PSTPIP1: variants seen among roughly 807,000 people sequenced by gnomAD.
PSTPIP1 encodes proline-serine-threonine phosphatase interacting protein 1.
A neutral mutation model predicts 69.6 loss-of-function variants in PSTPIP1; 66 were observed. That is an observed-to-expected ratio of 0.95 (90% CI 0.78 to 1.16). The LOEUF (loss-of-function observed/expected upper bound fraction) is 1.16, where lower values mean the gene tolerates loss of function less well. Among genes scored for constraint, PSTPIP1 ranks in the 50% most tolerant of loss-of-function variants. The pLI is 0.00. For missense variants in PSTPIP1, 603 were observed against 557.4 expected, an observed-to-expected ratio of 1.08 and a Z score of -0.82; for synonymous variants, 266 against 222.7, an observed-to-expected ratio of 1.19 and a Z score of -1.73.
chr15:77,000,480 C>T (rs200348711), intron 1 of PSTPIP1, among the ~76,000 whole-genome samples: 1,494 of 110,192 alleles, frequency 0.014, 11 homozygotes, highest in Admixed American at 0.017. Flanking sequence ...TATATATACA[C>T]ACACACACAC....
chr15:77,037,016 A>C (rs2152692836), intron 14 of PSTPIP1, 29 bp from the exon 15 acceptor site: 4 of 1,606,804 alleles, frequency 2.5e-6, no homozygotes, highest in Non-Finnish European at 3.4e-6. Context: ...GGCCCTTCCA[A>C]CGTCATGCGC....
chr15:77,011,686 T>A (rs2075937118), intron 1 of PSTPIP1, among the ~76,000 whole-genome samples: 1 of 152,206 alleles, frequency 6.6e-6, no homozygotes, highest in Non-Finnish European at 1.5e-5. Flanking sequence ...TGCTTATACA[T>A]GGATCGCAGC....
intron 1 of PSTPIP1, among the ~76,000 whole-genome samples, chr15:76,997,120 G>T (rs1596032366): frequency 6.6e-6 from 1 of 152,240 alleles, no homozygotes; most frequent in Non-Finnish European, 1.5e-5. Flanking sequence ...AGGGAGCAGG[G>T]TATGGCAGCC....
chr15:77,030,449 A>G, intron 8 of PSTPIP1, 53 bp from the exon 9 acceptor site: 2 of 1,568,448 alleles, frequency 1.3e-6, no homozygotes, highest in Non-Finnish European at 1.7e-6. Context: ...GCTGGAGTAC[A>G]GGGGTGGAGG....
chr15:77,018,103 T>G, intron 1 of PSTPIP1, 45 bp from the exon 2 acceptor site: 1 of 1,538,472 alleles, frequency 6.5e-7, no homozygotes, highest in Non-Finnish European at 8.8e-7. Context: ...GTGCTCAGTG[T>G]CGCCTGGTCG....
Position 77,027,912 on chromosome 15 carries a change from G to C in PSTPIP1, c.415G>C (p.Glu139Gln), listed in dbSNP as rs1435484379. Residue 139 changes from glutamate to glutamine, a missense_variant and splice_region_variant, in exon 6 of 15, where the codon GAG becomes CAG. Transcript: ENST00000558012. The surrounding 1 kb of genome is among the most constrained non-coding windows in gnomAD (Gnocchi z 4.3). ...SKLSLYKKAMESKKTYEQKCR... is the reference protein window; with the variant it reads ...SKLSLYKKAMQSKKTYEQKCR... Reference sequence around the variant, plus strand: ...GCTGTCGCTCTACAAGAAGGCCATGGAGGTGAGCGCCAGGGCCTGGGGCCG... The same window carrying C: ...GCTGTCGCTCTACAAGAAGGCCATGCAGGTGAGCGCCAGGGCCTGGGGCCG... 1 of 1,559,542 alleles carries C rather than the reference G, an allele frequency of 6.4e-7. No homozygotes were observed. Among genetic ancestry groups the C allele is most frequent in the Non-Finnish European group, 8.7e-7 (1 of 1,152,196 alleles).
intron 1 of PSTPIP1, among the ~76,000 whole-genome samples, chr15:77,003,470 A>G (rs1047472142): frequency 1.3e-5 from 2 of 152,164 alleles, no homozygotes; most frequent in African/African-American, 4.8e-5. Flanking sequence ...CCTGGCCACC[A>G]TGGTGAAACC....
At chr15:77,007,110 C>G (rs2075829816) in intron 1 of PSTPIP1, among the ~76,000 whole-genome samples, 1 of 152,092 alleles carries the variant, frequency 6.6e-6, no homozygotes, top group Admixed American at 6.5e-5. Flanking sequence ...GTGGGCTCCT[C>G]CCTGCGATTG....
At position 77,037,174 on chromosome 15, in the gene PSTPIP1, TGAGG is replaced by T; in HGVS notation, c.1250_*2del. ...CCCTGGTTCCTACCTGGAGAAGCTT[TGAGG>T]AAGGGCCAGGAGCCCCTTCGGACCT... On this transcript the variant is annotated stop_retained_variant and 3_prime_UTR_variant, in exon 15 of 15. Transcript: ENST00000558012. 6.2e-7 allele frequency: 1 copy of T among 1,603,644 alleles called. No individual in the cohort carries two copies. The highest frequency in any genetic ancestry group is 1.1e-5 in the South Asian group (1 of 90,084).
At chr15:77,029,962 C>T (rs548114960) in intron 8 of PSTPIP1, among the ~76,000 whole-genome samples, 5 of 152,214 alleles carry the variant, frequency 3.3e-5, no homozygotes, top group African/African-American at 9.6e-5. Context: ...TCACTTGATG[C>T]CCGAATCCTA....
At chr15:77,007,625 C>T (rs141764641) in intron 1 of PSTPIP1, among the ~76,000 whole-genome samples, 7 of 149,682 alleles carry the variant, frequency 4.7e-5, no homozygotes, top group African/African-American at 1.2e-4. Flanking sequence ...GATGGACTCT[C>T]GCTCTGCTGC....
chr15:77,025,380 G>C lies in PSTPIP1; in HGVS notation c.247+62G>C, dbSNP rs372385493. On this transcript the variant is annotated intron_variant, in intron 4 of 14. Transcript: ENST00000558012. ...GACTGCGAGGCTGGTGGAGGGTTTG[G>C]GGGGACAGAAGATGAGGTGTTGGGG... The C allele has an allele frequency of 3.3e-5, 52 of 1,581,960 alleles. 1 individual carries two copies. In the East Asian group the frequency reaches 4.2e-4, roughly 13 times the overall value.
In PSTPIP1 at chr15:76,995,278, G is replaced by A. The variant is rs113928004; in HGVS notation, c.-296G>A. The A allele has an allele frequency of 1.1e-4, 150 of 1,325,028 alleles. No individual in the cohort carries two copies. The African/African-American group carries it at 1.9e-3, about 17-fold the overall frequency. 82.1% of individuals were successfully genotyped at this position (1,325,028 alleles called of 1,614,324 possible). ...GTCCCAGACTGTGTCCTCCATCACCGCAGGGTCGGTGAGGGGCTGGGCTGG... is the reference window on the plus strand; with the variant it reads ...GTCCCAGACTGTGTCCTCCATCACCACAGGGTCGGTGAGGGGCTGGGCTGG... On this transcript the variant is annotated 5_prime_UTR_variant, in exon 1 of 15. Transcript: ENST00000558012.
chr15:77,008,498 C>G (rs2152670425), intron 1 of PSTPIP1, among the ~76,000 whole-genome samples: 1 of 152,302 alleles, frequency 6.6e-6, no homozygotes, highest in East Asian at 1.9e-4. Context: ...CAACCTCCGT[C>G]TCCTGGGCTC....
chr15:77,031,519 C>T (rs1287862046), intron 10 of PSTPIP1: 2 of 406,334 alleles, frequency 4.9e-6, no homozygotes, highest in Non-Finnish European at 9.2e-6. Flanking sequence ...CCCTGACTTC[C>T]TCCTTATGCC....
Position 77,031,550 on chromosome 15 carries a change from C to A in PSTPIP1, c.741+272C>A, listed in dbSNP as rs1046850784. 8.8e-6 allele frequency: 3 copies of A among 342,420 alleles called. No individual in the cohort carries two copies. The Admixed American group carries it at 1.2e-4, about 14-fold the overall frequency. 21.2% of individuals were successfully genotyped at this position (342,420 alleles called of 1,614,324 possible). A position where few individuals can be genotyped will look rare whatever the true frequency, so the allele number is the denominator to read the frequency against. On this transcript the variant is annotated intron_variant, in intron 10 of 14. Transcript: ENST00000558012. ...ATGCCTCAGAGCCACAGAGCACCTG[C>A]CCCCTCTGCCGGGGATGGGAGGGGA...
At chr15:77,032,738 G>A in intron 11 of PSTPIP1, 124 bp from the exon 12 acceptor site, 3 of 791,154 alleles carry the variant, frequency 3.8e-6, no homozygotes, top group Non-Finnish European at 6.1e-6. Context: ...GAGCAAGACA[G>A]GCACCTCCTC....
At chr15:77,013,834 T>C (rs780907089) in intron 1 of PSTPIP1, among the ~76,000 whole-genome samples, 1 of 152,166 alleles carries the variant, frequency 6.6e-6, no homozygotes, top group Non-Finnish European at 1.5e-5. Context: ...TGTCCTCTGA[T>C]AGATGCTGTA....
In PSTPIP1 at chr15:77,027,255, C is replaced by G. The variant is rs1366879859; in HGVS notation, c.355-597C>G. Among the ~76,000 whole-genome samples the G allele has an allele frequency of 6.6e-6, 1 of 152,220 alleles. No homozygotes were observed. The highest frequency in any genetic ancestry group is 2.4e-5 in the African/African-American group (1 of 41,466). On this transcript the variant is annotated intron_variant, in intron 5 of 14. Transcript: ENST00000558012. This position sits in a 1 kb window ranked among gnomAD's most constrained non-coding sequence, Gnocchi z 4.3. ...CGCTGTCCTGGCTGTTTTGCCTTCT[C>G]TATCAGAACAGGAAGCCTGGGAGGT...
Sources: gnomAD v4.1 joint callset for allele counts (sites outside exome capture counted in the v4.1 genomes callset) on GRCh38, gnomAD v4.1.1 for gene constraint, Gnocchi (gnomAD v3.1) non-coding constraint, MANE v1.5 for transcripts, NCBI Gene and HGNC (gene_info 2026-07-23, HGNC 2026-07-21) for gene names.